Variants in NRG3 observed in about 807,000 individuals in gnomAD.
NRG3 encodes the protein pro-neuregulin-3, membrane-bound isoform.
NRG3 carries 31 observed loss-of-function variants against 66.9 expected under a neutral mutation model. The ratio of observed to expected loss-of-function variants is 0.46; its 90% CI spans 0.35 to 0.63. The LOEUF is 0.63. NRG3 is among the 20% of genes least tolerant of loss of function. The pLI, the probability that NRG3 is intolerant of heterozygous loss-of-function variation, is 0.00. For missense variants in NRG3, 910 were observed against 878.9 expected, an observed-to-expected ratio of 1.04 and a Z score of -0.45; for synonymous variants, 393 against 359.4, an observed-to-expected ratio of 1.09 and a Z score of -1.06.
intron 1 of NRG3, among the ~76,000 whole-genome samples, chr10:82,079,968 T>C (rs976938449): frequency 6.6e-6 from 1 of 152,210 alleles, no homozygotes; most frequent in African/African-American, 2.4e-5. Flanking sequence ...AGCTGTGTTT[T>C]ATGTTTCAAT....
intron 2 of NRG3, among the ~76,000 whole-genome samples, chr10:82,723,937 G>A (rs1478883615): frequency 1.3e-5 from 2 of 151,588 alleles, no homozygotes; most frequent in South Asian, 2.1e-4. Flanking sequence ...CTGAGATCAC[G>A]CCACTGCACT....
intron 2 of NRG3, among the ~76,000 whole-genome samples, chr10:82,369,381 CT>C: frequency 7.2e-6 from 1 of 138,490 alleles, no homozygotes; most frequent in Non-Finnish European, 1.5e-5. Flanking sequence ...TCACTGCAGC[CT>C]TGACCTCCTG....
intron 1 of NRG3, among the ~76,000 whole-genome samples, chr10:82,270,698 T>G (rs2078546405): frequency 6.6e-6 from 1 of 152,122 alleles, no homozygotes; most frequent in African/African-American, 2.4e-5. Flanking sequence ...TGATGGTAGC[T>G]GCTTAGAGAG....
chr10:82,871,411 C>A (rs1223379723), intron 4 of NRG3, among the ~76,000 whole-genome samples: 1 of 151,960 alleles, frequency 6.6e-6, no homozygotes, highest in Non-Finnish European at 1.5e-5. Flanking sequence ...GATCTACTGC[C>A]TCTCCCTATA....
At chr10:82,441,559 A>T (rs916121827) in intron 2 of NRG3, among the ~76,000 whole-genome samples, 3 of 152,188 alleles carry the variant, frequency 2.0e-5, no homozygotes, top group Non-Finnish European at 4.4e-5. Flanking sequence ...CAATTCAATG[A>T]CTGTCCTGGT....
chr10:82,967,791 T>A (rs1851345669), intron 6 of NRG3, among the ~76,000 whole-genome samples: 1 of 151,694 alleles, frequency 6.6e-6, no homozygotes, highest in Non-Finnish European at 1.5e-5. Flanking sequence ...CATTAGATGA[T>A]TTTTTTTGTT....
At chr10:82,682,480 G>C (rs2054181815) in intron 2 of NRG3, among the ~76,000 whole-genome samples, 1 of 152,174 alleles carries the variant, frequency 6.6e-6, no homozygotes, top group Admixed American at 6.5e-5. Context: ...TTTATCTGGT[G>C]ATGGGAAATC....
rs549166157 is a variant in NRG3, at chr10:82,914,719, A to G, written c.1055-36750A>G. 2.7e-5 allele frequency among the ~76,000 whole-genome samples: 4 copies of G among 150,848 alleles called. No individual in the cohort carries two copies. In the East Asian group the frequency reaches 5.9e-4, roughly 22 times the overall value. On this transcript the variant is annotated intron_variant, in intron 4 of 8. Coordinates refer to ENST00000372141, the MANE Select transcript of NRG3 (RefSeq NM_001010848.4). ...CAATCCTCTAGTGGGCTTGAGCCCCAGAGGTGGGTCCTTCACAAGTGATTT... is the reference window on the plus strand; with the variant it reads ...CAATCCTCTAGTGGGCTTGAGCCCCGGAGGTGGGTCCTTCACAAGTGATTT...
intron 1 of NRG3, among the ~76,000 whole-genome samples, chr10:82,165,303 A>G (rs939384516): frequency 3.9e-5 from 6 of 152,108 alleles, no homozygotes; most frequent in African/African-American, 1.4e-4. Context: ...TGCATTCCAT[A>G]TCAGACACCT....
chr10:81,875,816 C>T lies in NRG3; in HGVS notation c.476C>T (p.Thr159Ile), dbSNP rs775645903. The stretch of plus-strand genomic sequence containing the variant: ...CCCAACCGGATTAGCACTCGCCTGA[C>T]CACCATCACGCGGGCGCCCACTCGC... ...RTPNRISTRL[T>I]TITRAPTRFP... is the part of the protein sequence containing the mutation. Residue 159 changes from threonine (T) to isoleucine (I), a missense_variant, in exon 1 of 9, where the codon ACC becomes ATC. Transcript: ENST00000372141. This position sits in a 1 kb window ranked among gnomAD's most constrained non-coding sequence, Gnocchi z 5.3. The T allele has an allele frequency of 2.5e-6, 4 of 1,609,412 alleles. No homozygotes were observed. The highest frequency in any genetic ancestry group is 3.3e-5 in the Admixed American group (2 of 59,978).
chr10:82,645,442 C>T (rs1453161798), intron 2 of NRG3, among the ~76,000 whole-genome samples: 1 of 152,194 alleles, frequency 6.6e-6, no homozygotes, highest in African/African-American at 2.4e-5. Flanking sequence ...CCATATGGTC[C>T]TCTCAACAGT....
At chr10:82,657,660 A>T (rs950381745) in intron 2 of NRG3, among the ~76,000 whole-genome samples, 4 of 152,148 alleles carry the variant, frequency 2.6e-5, no homozygotes, top group African/African-American at 7.2e-5. Flanking sequence ...AGGAAAAAAA[A>T]AACTGTCACA....
intron 4 of NRG3, among the ~76,000 whole-genome samples, chr10:82,939,778 T>C (rs879669510): frequency 2.0e-5 from 3 of 152,048 alleles, no homozygotes; most frequent in Non-Finnish European, 4.4e-5. Context: ...CTTTCAATGT[T>C]TTTTTAAGTG....
At chr10:82,165,623 T>G (rs2071977821) in intron 1 of NRG3, among the ~76,000 whole-genome samples, 1 of 152,022 alleles carries the variant, frequency 6.6e-6, no homozygotes, top group Non-Finnish European at 1.5e-5. Context: ...TATTTAAATT[T>G]TTATCATAAA....
At chr10:82,775,389 G>T (rs560791133) in intron 3 of NRG3, among the ~76,000 whole-genome samples, 32 of 151,652 alleles carry the variant, frequency 2.1e-4, no homozygotes, top group Non-Finnish European at 3.8e-4. Flanking sequence ...TGAGCATGTT[G>T]TTTAAATTCT....
At chr10:82,660,408 T>C (rs1207480519) in intron 2 of NRG3, among the ~76,000 whole-genome samples, 2 of 152,054 alleles carry the variant, frequency 1.3e-5, no homozygotes, top group African/African-American at 2.4e-5. Context: ...TCTGTAGTCA[T>C]GCTGTTAGTG....
At chr10:82,750,368 T>G (rs2058814948) in intron 3 of NRG3, among the ~76,000 whole-genome samples, 1 of 152,178 alleles carries the variant, frequency 6.6e-6, no homozygotes, top group Non-Finnish European at 1.5e-5. Context: ...GTTTTTAATA[T>G]AGTTTTAAAA....
intron 3 of NRG3, among the ~76,000 whole-genome samples, chr10:82,752,646 T>A (rs1163935125): frequency 6.6e-6 from 1 of 152,214 alleles, no homozygotes; most frequent in African/African-American, 2.4e-5. Context: ...AAAATTCATA[T>A]GTTGAAACAT....
rs184495641 is a variant in NRG3 at position 82,979,401 on chromosome 10, C to A, written c.1583+281C>A. On this transcript the variant is annotated intron_variant, in intron 8 of 8. Transcript: ENST00000372141. ...GTTATTAGATCATTTGCTAATACAACTGGAAATTTGTCTTTGATTTAAAAA... is the reference window on the plus strand; with the variant it reads ...GTTATTAGATCATTTGCTAATACAAATGGAAATTTGTCTTTGATTTAAAAA... Among the ~76,000 whole-genome samples, 276 of 152,232 alleles carry A rather than the reference C, an allele frequency of 1.8e-3. No individual in the cohort carries two copies. The South Asian group carries it at 0.027, about 15-fold the overall frequency.
Sources: allele counts gnomAD v4.1 joint callset (sites outside exome capture counted in the v4.1 genomes callset), GRCh38; gene constraint gnomAD v4.1.1; non-coding constraint Gnocchi (gnomAD v3.1); transcripts MANE v1.5; gene names NCBI Gene and HGNC (gene_info 2026-07-23, HGNC 2026-07-21).